The following PPP4R3A variants were observed in gnomAD, a reference collection of about 807,000 sequenced individuals.
The protein encoded by PPP4R3A is serine/threonine-protein phosphatase 4 regulatory subunit 3A.
Under a neutral mutation model 91.7 loss-of-function variants are expected in PPP4R3A, and 15 were observed. The ratio of observed to expected loss-of-function variants is 0.16; its 90% CI spans 0.11 to 0.25. The LOEUF is 0.25. Among genes scored for constraint, PPP4R3A ranks in the 10% least tolerant of loss-of-function variants. The probability of loss-of-function intolerance (pLI) is 1.00; values close to 1 mark genes in which losing one functional copy is unlikely to be tolerated. For synonymous variants in PPP4R3A, 377 were observed against 348.7 expected, an observed-to-expected ratio of 1.08 and a Z score of -0.91; for missense variants, 623 against 998.4, an observed-to-expected ratio of 0.62 and a Z score of 5.07.
chr14:91,477,284 C>T (rs899379385), intron 4 of PPP4R3A, among the ~76,000 whole-genome samples: 4 of 152,016 alleles, frequency 2.6e-5, no homozygotes, highest in Non-Finnish European at 5.9e-5. Flanking sequence ...AAAGTAGTCA[C>T]AGACAACTGG....
chr14:91,479,821 C>T (rs1369770615), intron 4 of PPP4R3A, among the ~76,000 whole-genome samples: 2 of 152,154 alleles, frequency 1.3e-5, no homozygotes, highest in East Asian at 1.9e-4. Flanking sequence ...GGATTGTAGG[C>T]GTGAGCTACC....
chr14:91,461,977 T>C, intron 13 of PPP4R3A, 72 bp downstream of exon 13: 3 of 1,420,156 alleles, frequency 2.1e-6, no homozygotes, highest in Non-Finnish European at 2.8e-6. Flanking sequence ...AATAATCATT[T>C]TGTCAAGAAA....
At chr14:91,469,608 G>T (rs1888712282) in intron 10 of PPP4R3A, among the ~76,000 whole-genome samples, 1 of 152,128 alleles carries the variant, frequency 6.6e-6, no homozygotes, top group Non-Finnish European at 1.5e-5. Context: ...TCTCTCTGTT[G>T]CCCAGACTGG....
At chr14:91,505,850 A>G (rs933830949) in intron 1 of PPP4R3A, among the ~76,000 whole-genome samples, 2 of 152,248 alleles carry the variant, frequency 1.3e-5, no homozygotes, top group African/African-American at 4.8e-5. Flanking sequence ...CAATTATCCT[A>G]TGATGGAGAA....
rs138085634 is a variant in PPP4R3A at position 91,494,240 on chromosome 14, C to A, written c.143-3438G>T. Among the ~76,000 whole-genome samples, 32 of 152,214 alleles carry A rather than the reference C, an allele frequency of 2.1e-4. No homozygotes were observed. In the East Asian group the frequency reaches 6.0e-3, roughly 28 times the overall value. ...ATGCAAGATCTCTAATGGCATAGGA[C>A]CCAACTAGGAAACGCTTCTCTAAAA... On this transcript the variant is annotated intron_variant, in intron 1 of 14. Transcript: ENST00000554943.
At chr14:91,496,451 A>G (rs1320723603) in intron 1 of PPP4R3A, among the ~76,000 whole-genome samples, 1 of 152,196 alleles carries the variant, frequency 6.6e-6, no homozygotes, top group Non-Finnish European at 1.5e-5. Flanking sequence ...TGACATTGTC[A>G]GCCACCTAAT....
intron 1 of PPP4R3A, among the ~76,000 whole-genome samples, chr14:91,508,152 C>G (rs1422922880): frequency 6.6e-6 from 1 of 152,016 alleles, no homozygotes; most frequent in African/African-American, 2.4e-5. Flanking sequence ...TTTAAGAAGC[C>G]AATAACTCAG....
chr14:91,474,012 G>A (rs889083564), intron 7 of PPP4R3A, among the ~76,000 whole-genome samples: 6 of 152,084 alleles, frequency 3.9e-5, no homozygotes, highest in African/African-American at 1.2e-4. Flanking sequence ...CAGGTGATCC[G>A]CCTGCCTCAG....
intron 1 of PPP4R3A, among the ~76,000 whole-genome samples, chr14:91,501,821 C>T (rs1890979215): frequency 6.6e-6 from 1 of 150,980 alleles, no homozygotes. Context: ...TCTCCTGCCT[C>T]AGCCTCCTGA....
At chr14:91,506,193 C>T (rs1248134242) in intron 1 of PPP4R3A, among the ~76,000 whole-genome samples, 5 of 152,160 alleles carry the variant, frequency 3.3e-5, no homozygotes, top group African/African-American at 7.2e-5. Context: ...GTGATCTGCC[C>T]GCCTTGGCCT....
chr14:91,472,690 C>T (rs1447956271), intron 9 of PPP4R3A, among the ~76,000 whole-genome samples: 1 of 151,988 alleles, frequency 6.6e-6, no homozygotes, highest in Non-Finnish European at 1.5e-5. Flanking sequence ...AGGATGGTCT[C>T]GATCTCCTGA....
Position 91,462,177 on chromosome 14 carries a change from T to C in PPP4R3A, c.2036A>G (p.Glu679Gly). ...RRDARTLEDE[E>G]EMWFNTDEDD... ...TTCATCTGTGTTAAACCACATCTCTTCTTCATCTTCTAGTGTTCTGGCATC... is the reference window on the plus strand; with the variant it reads ...TTCATCTGTGTTAAACCACATCTCTCCTTCATCTTCTAGTGTTCTGGCATC... Residue 679 changes from glutamate (E) to glycine (G), a missense_variant, in exon 13 of 15, where the codon GAA becomes GGA. By Grantham distance (98) the Glu-to-Gly change is moderately conservative. This residue lies in a region of PPP4R3A where 201 missense variants were observed against 229.9 expected (regional missense o/e 0.87). Transcript: ENST00000554943. 1 of 1,609,024 alleles carries C rather than the reference T, an allele frequency of 6.2e-7. No individual in the cohort carries two copies. The highest frequency in any genetic ancestry group is 8.5e-7 in the Non-Finnish European group (1 of 1,178,406).
intron 14 of PPP4R3A, among the ~76,000 whole-genome samples, chr14:91,460,926 A>C (rs1055254017): frequency 1.3e-5 from 2 of 152,072 alleles, no homozygotes; most frequent in African/African-American, 4.8e-5. Context: ...GCCCTTGTTC[A>C]TTTCTTATAT....
chr14:91,468,667 C>CA lies in PPP4R3A; in HGVS notation c.1660+2169dup, dbSNP rs766250846. Among the ~76,000 whole-genome samples the CA allele has an allele frequency of 9.6e-3, 431 of 44,986 alleles. 24 individuals carry two copies. The highest frequency in any genetic ancestry group is 0.023 in the South Asian group (13 of 574). The allele number at this position is 44,986 out of a possible 152,430, so 29.5% of individuals were successfully genotyped here. ...AAGGCGACAGAGTGAGACTCCGTCT[C>CA]AAAAAAAAAAAAAAAAAAAAAAGGA... On this transcript the variant is annotated intron_variant, in intron 10 of 14. Transcript: ENST00000554943.
chr14:91,486,368 T>C (rs984475344), intron 2 of PPP4R3A, among the ~76,000 whole-genome samples: 1 of 151,984 alleles, frequency 6.6e-6, no homozygotes, highest in Non-Finnish European at 1.5e-5. Context: ...GAGATGGAGG[T>C]CTTGTCATGT....
Position 91,461,429 on chromosome 14 carries a change from A to T in PPP4R3A, c.2343T>A (p.Pro781=), listed in dbSNP as rs770263070. The T allele has an allele frequency of 1.9e-6, 3 of 1,614,130 alleles. No homozygotes were observed. In the Admixed American group the frequency reaches 5.0e-5, roughly 27 times the overall value. The change falls in exon 14 of 15, where the codon CCT becomes CCA. Residue 781 remains proline (P), a synonymous_variant. Coordinates refer to ENST00000554943, the MANE Select transcript of PPP4R3A (RefSeq NM_001366432.2). Reference sequence around the variant, plus strand: ...GAGATGTATTTTTAGGTACGGATCCAGGAGAGCCTGGAGATCCTGGGGATC... The same window carrying T: ...GAGATGTATTTTTAGGTACGGATCCTGGAGAGCCTGGAGATCCTGGGGATC... The part of the protein sequence containing the change: ...SPGSPGSPGS[P]GSVPKNTSQT...
At chr14:91,479,996 G>A (rs1340698833) in intron 4 of PPP4R3A, among the ~76,000 whole-genome samples, 2 of 152,184 alleles carry the variant, frequency 1.3e-5, no homozygotes, top group African/African-American at 4.8e-5. Flanking sequence ...CACAGTAAGA[G>A]CTTTTCTAAT....
chr14:91,466,991 G>A (rs1245834623), intron 10 of PPP4R3A, among the ~76,000 whole-genome samples: 3 of 142,676 alleles, frequency 2.1e-5, no homozygotes, highest in African/African-American at 5.3e-5. Context: ...TAGTTCCTAG[G>A]TGAGTGAAAA....
chr14:91,478,427 A>G (rs1240278263), intron 4 of PPP4R3A, among the ~76,000 whole-genome samples: 3 of 152,278 alleles, frequency 2.0e-5, no homozygotes, highest in Admixed American at 6.5e-5. Flanking sequence ...AGGAACCTGC[A>G]TTAAACTGTA....
Sources: gnomAD v4.1 joint callset for allele counts (sites outside exome capture counted in the v4.1 genomes callset) on GRCh38, gnomAD v4.1.1 for gene constraint, gnomAD v4.1.1 regional missense constraint, MANE v1.5 for transcripts, NCBI Gene and HGNC (gene_info 2026-07-23, HGNC 2026-07-21) for gene names.